HUNK: variants seen among roughly 807,000 people sequenced by gnomAD.
HUNK encodes hormonally up-regulated Neu-associated kinase.
HUNK carries 21 observed loss-of-function variants against 61.0 expected under a neutral mutation model. The ratio of observed to expected loss-of-function variants is 0.34; its 90% CI spans 0.24 to 0.50. HUNK has a LOEUF of 0.50. HUNK is among the 20% of genes least tolerant of loss of function. HUNK has a pLI of 0.98. For missense variants in HUNK, 772 were observed against 945.7 expected, an observed-to-expected ratio of 0.82 and a Z score of 2.41; for synonymous variants, 371 against 386.1, an observed-to-expected ratio of 0.96 and a Z score of 0.46.
intron 1 of HUNK, among the ~76,000 whole-genome samples, chr21:31,888,541 A>G (rs569442293): frequency 6.6e-6 from 1 of 152,288 alleles, no homozygotes; most frequent in South Asian, 2.1e-4. Flanking sequence ...GTTTGAGACC[A>G]GACTGACCAA....
chr21:31,914,493 C>T (rs1259962837), intron 1 of HUNK, among the ~76,000 whole-genome samples: 1 of 143,384 alleles, frequency 7.0e-6, no homozygotes, highest in Non-Finnish European at 1.5e-5. Flanking sequence ...TACATTTTTA[C>T]TCTTCTGCAG....
At chr21:31,965,930 G>A (rs928661634) in intron 5 of HUNK, among the ~76,000 whole-genome samples, 6 of 152,014 alleles carry the variant, frequency 3.9e-5, no homozygotes, top group Non-Finnish European at 7.3e-5. Flanking sequence ...ATTTCAGTAC[G>A]TATTTGAGGA....
chr21:31,932,090 CGTGCATG>C (rs1568928364), intron 2 of HUNK, among the ~76,000 whole-genome samples: 101 of 152,360 alleles, frequency 6.6e-4, no homozygotes, highest in African/African-American at 2.1e-3. Context: ...CTCTCCCCCA[CGTGCATG>C]CACATACGTG....
chr21:31,895,489 CA>C, intron 1 of HUNK, among the ~76,000 whole-genome samples: 1 of 152,304 alleles, frequency 6.6e-6, no homozygotes, highest in East Asian at 1.9e-4. Flanking sequence ...AATGAAAAAC[CA>C]GCCTTGGAAC....
intron 1 of HUNK, among the ~76,000 whole-genome samples, chr21:31,881,147 C>T (rs936464382): frequency 6.6e-6 from 1 of 152,176 alleles, no homozygotes; most frequent in Non-Finnish European, 1.5e-5. Flanking sequence ...GACGGGGAAT[C>T]TGGGGGTGCA....
chr21:31,891,042 AC>A (rs1265541882), intron 1 of HUNK, among the ~76,000 whole-genome samples: 1 of 151,872 alleles, frequency 6.6e-6, no homozygotes, highest in South Asian at 2.1e-4. Flanking sequence ...AGAACCGAGC[AC>A]CCCCCAGCCC....
chr21:31,900,446 AACACACACACACACAC>A (rs3138690), intron 1 of HUNK, among the ~76,000 whole-genome samples: 1 of 143,024 alleles, frequency 7.0e-6, no homozygotes, highest in Admixed American at 7.0e-5. Context: ...TAGTTACTGA[AACACACACACACACAC>A]ACACACACAC....
At chr21:31,981,836 CT>C (rs1435625373) in intron 7 of HUNK, among the ~76,000 whole-genome samples, 1 of 141,856 alleles carries the variant, frequency 7.0e-6, no homozygotes, top group Non-Finnish European at 1.6e-5. Context: ...ATTTTGATCC[CT>C]TTTATTTATT....
intron 8 of HUNK, among the ~76,000 whole-genome samples, chr21:31,985,797 G>C (rs1021213952): frequency 6.6e-6 from 1 of 152,168 alleles, no homozygotes; most frequent in East Asian, 1.9e-4. Context: ...ATGGATTTGG[G>C]GGGTGGGAGA....
At chr21:31,929,665 G>A (rs2052683956) in intron 2 of HUNK, among the ~76,000 whole-genome samples, 1 of 152,224 alleles carries the variant, frequency 6.6e-6, no homozygotes, top group Non-Finnish European at 1.5e-5. Flanking sequence ...TCCCTAAGCA[G>A]GAAGAGAAAA....
chr21:31,989,110 C>G (rs1394343131), intron 8 of HUNK, among the ~76,000 whole-genome samples: 1 of 152,148 alleles, frequency 6.6e-6, no homozygotes, highest in East Asian at 1.9e-4. Flanking sequence ...ATGTGAGTCA[C>G]CATGCCTGGC....
At chr21:31,963,301 A>G (rs2052941294) in intron 5 of HUNK, among the ~76,000 whole-genome samples, 1 of 152,160 alleles carries the variant, frequency 6.6e-6, no homozygotes, top group Non-Finnish European at 1.5e-5. Context: ...AGATTTTCCT[A>G]CCATGCTGTG....
intron 1 of HUNK, among the ~76,000 whole-genome samples, chr21:31,923,324 C>G (rs1287849019): frequency 1.3e-5 from 2 of 151,866 alleles, no homozygotes; most frequent in African/African-American, 4.8e-5. Flanking sequence ...GCTTATAGTC[C>G]CAGCTCCTGG....
At position 31,917,953 on chromosome 21, in the gene HUNK, C is replaced by T. The variant is rs140327710; in HGVS notation, c.262-6515C>T. Among the ~76,000 whole-genome samples, 196 of 152,230 alleles carry T rather than the reference C, an allele frequency of 1.3e-3. 1 individual carries two copies. Among genetic ancestry groups the T allele is most frequent in the African/African-American group, 4.5e-3 (188 of 41,532 alleles). ...TTAATTTCACTCTGTAAAACTCCCC[C>T]GACTCAAGTAGTTTATTTTGCAGCT... On this transcript the variant is annotated intron_variant, in intron 1 of 10. Transcript: ENST00000270112.
At chr21:31,874,735 C>A (rs1354391415) in intron 1 of HUNK, among the ~76,000 whole-genome samples, 1 of 152,066 alleles carries the variant, frequency 6.6e-6, no homozygotes, top group Non-Finnish European at 1.5e-5. Context: ...ATACCTCCCC[C>A]CAGAGACTGG....
intron 8 of HUNK, 79 bp downstream of exon 8, chr21:31,983,688 A>G (rs1449943419): frequency 5.0e-6 from 5 of 998,852 alleles, no homozygotes; most frequent in African/African-American, 1.6e-5. Flanking sequence ...AAAGAAACCA[A>G]TTACTGTGGG....
At chr21:31,902,332 G>T (rs978742811) in intron 1 of HUNK, among the ~76,000 whole-genome samples, 4 of 152,110 alleles carry the variant, frequency 2.6e-5, no homozygotes, top group Admixed American at 6.5e-5. Flanking sequence ...CCAACATGGA[G>T]AAACCCCATC....
chr21:31,908,544 G>T (rs1018374620), intron 1 of HUNK, among the ~76,000 whole-genome samples: 1 of 152,138 alleles, frequency 6.6e-6, no homozygotes, highest in Non-Finnish European at 1.5e-5. Context: ...AGGCCTCAGC[G>T]AGGAGGAACG....
chr21:31,925,647 ATAGT>A (rs1211619374), intron 2 of HUNK, among the ~76,000 whole-genome samples: 4 of 152,194 alleles, frequency 2.6e-5, no homozygotes, highest in South Asian at 2.1e-4. Context: ...AGTCTTGCAA[ATAGT>A]TAGGAAAATC....
Sources: allele counts gnomAD v4.1 joint callset (sites outside exome capture counted in the v4.1 genomes callset), GRCh38; gene constraint gnomAD v4.1.1; transcripts MANE v1.5; gene names NCBI Gene and HGNC (gene_info 2026-07-23, HGNC 2026-07-21).